ZFAND3: variants seen among roughly 807,000 people sequenced by gnomAD.
ZFAND3 encodes the protein AN1-type zinc finger protein 3.
ZFAND3 carries 10 observed loss-of-function variants against 29.6 expected under a neutral mutation model. The ratio of observed to expected loss-of-function variants is 0.34; its 90% CI spans 0.21 to 0.57. ZFAND3 has a LOEUF of 0.57. Ranked by LOEUF, ZFAND3 falls within the 20% of genes least tolerant of loss-of-function variation. ZFAND3 has a pLI of 0.86. For synonymous variants in ZFAND3, 128 were observed against 112.6 expected (o/e 1.14, Z -0.87); for missense variants, 230 against 304.5 (o/e 0.76, Z 1.82).
intron 2 of ZFAND3, among the ~76,000 whole-genome samples, chr6:37,938,073 C>T (rs1581777166): frequency 1.3e-5 from 2 of 152,288 alleles, no homozygotes; most frequent in South Asian, 2.1e-4. Context: ...AACTACTCTC[C>T]TTCTTATCCT....
At chr6:37,882,386 C>T (rs908741292) in intron 1 of ZFAND3, among the ~76,000 whole-genome samples, 2 of 152,082 alleles carry the variant, frequency 1.3e-5, no homozygotes, top group African/African-American at 4.8e-5. Flanking sequence ...TTCCTCCTTC[C>T]CTTTGCCCAA....
At chr6:37,870,213 G>A (rs1581722765) in intron 1 of ZFAND3, among the ~76,000 whole-genome samples, 1 of 149,660 alleles carries the variant, frequency 6.7e-6, no homozygotes, top group South Asian at 2.1e-4. Flanking sequence ...TGAGCCCGAT[G>A]TGGGAGGATT....
chr6:38,043,521 T>TCCTTTTCTCCCCTCTCC (rs1201197874), intron 2 of ZFAND3, among the ~76,000 whole-genome samples: 34 of 147,916 alleles, frequency 2.3e-4, no homozygotes, highest in Non-Finnish European at 4.6e-4. Flanking sequence ...CCTCCCTCTC[T>TCCTTTTCTCCCCTCTCC]CCTTTTCTCC....
chr6:37,977,810 T>A (rs1177598412), intron 2 of ZFAND3, among the ~76,000 whole-genome samples: 1 of 142,408 alleles, frequency 7.0e-6, no homozygotes, highest in East Asian at 2.1e-4. Flanking sequence ...GAATGAATGT[T>A]GAATTTTGTA....
chr6:38,141,027 A>G (rs1765943513), intron 5 of ZFAND3, among the ~76,000 whole-genome samples: 1 of 133,730 alleles, frequency 7.5e-6, no homozygotes, highest in African/African-American at 2.8e-5. Context: ...GACAGCAGAC[A>G]TTGTAGGACT....
intron 5 of ZFAND3, 124 bp from the exon 6 acceptor site, chr6:38,152,111 T>G: frequency 1.1e-6 from 1 of 904,962 alleles, no homozygotes. Context: ...CAGGAACCCC[T>G]GCAGTGAGTG....
At chr6:38,138,087 G>A (rs1030859208) in intron 5 of ZFAND3, among the ~76,000 whole-genome samples, 2 of 152,086 alleles carry the variant, frequency 1.3e-5, no homozygotes, top group Admixed American at 1.3e-4. Flanking sequence ...GGAGGTGGGA[G>A]TATCAGTTGA....
chr6:38,042,856 T>TTAGC (rs1763818577), intron 2 of ZFAND3, among the ~76,000 whole-genome samples: 1 of 152,160 alleles, frequency 6.6e-6, no homozygotes, highest in African/African-American at 2.4e-5. Context: ...AAGTCATAGA[T>TTAGC]TAGCGTTCAT....
chr6:38,128,797 A>G (rs140060055), intron 5 of ZFAND3, among the ~76,000 whole-genome samples: 141 of 152,338 alleles, frequency 9.3e-4, no homozygotes, highest in African/African-American at 3.0e-3. Context: ...TTGTGCTACC[A>G]TAAACATCCA....
At chr6:38,018,899 A>G (rs1021402252) in intron 2 of ZFAND3, among the ~76,000 whole-genome samples, 1 of 152,066 alleles carries the variant, frequency 6.6e-6, no homozygotes. Context: ...TTACACTCCC[A>G]CTGGCAGTGT....
intron 2 of ZFAND3, among the ~76,000 whole-genome samples, chr6:38,043,283 C>T (rs1184067764): frequency 6.6e-6 from 1 of 151,040 alleles, no homozygotes; most frequent in African/African-American, 2.4e-5. Flanking sequence ...GCCCAGCCCT[C>T]TATTCTGTTT....
At chr6:37,843,977 G>A (rs1764128268) in intron 1 of ZFAND3, among the ~76,000 whole-genome samples, 1 of 151,968 alleles carries the variant, frequency 6.6e-6, no homozygotes, top group Admixed American at 6.6e-5. Flanking sequence ...GAGTGCAATG[G>A]TGTGATCTTG....
intron 2 of ZFAND3, among the ~76,000 whole-genome samples, chr6:38,044,544 A>G (rs561720960): frequency 2.6e-5 from 4 of 152,318 alleles, no homozygotes; most frequent in African/African-American, 9.6e-5. Flanking sequence ...TGCTGCAGAG[A>G]TGGTAATTTT....
Position 38,146,050 on chromosome 6 carries a change from C to T in ZFAND3, c.530-6185C>T, listed in dbSNP as rs537898023. Among the ~76,000 whole-genome samples the T allele has an allele frequency of 3.1e-3, 470 of 152,336 alleles. 3 individuals are homozygous for T. Among genetic ancestry groups the T allele is most frequent in the African/African-American group, 0.011 (447 of 41,564 alleles). ...GTCAGGGAAGTGATTGCTCTACCCC[C>T]ATCACTGTGCCAAGCCACAGGCTTG... On this transcript the variant is annotated intron_variant, in intron 5 of 5. Transcript: ENST00000287218.
intron 5 of ZFAND3, among the ~76,000 whole-genome samples, chr6:38,117,941 GTT>G (rs1414442559): frequency 1.3e-5 from 2 of 152,326 alleles, no homozygotes; most frequent in Non-Finnish European, 1.5e-5. Context: ...CCAGATACCT[GTT>G]TGTTACACAT....
At chr6:37,906,714 T>TA (rs1005537898) in intron 1 of ZFAND3, among the ~76,000 whole-genome samples, 17 of 151,670 alleles carry the variant, frequency 1.1e-4, no homozygotes, top group East Asian at 3.9e-4. Context: ...TTTTTTTTTT[T>TA]AATTAAATTT....
intron 1 of ZFAND3, among the ~76,000 whole-genome samples, chr6:37,895,578 G>A (rs1765189328): frequency 6.9e-6 from 1 of 145,506 alleles, no homozygotes; most frequent in Non-Finnish European, 1.5e-5. Flanking sequence ...ATATTTATTG[G>A]TTTAATGTCT....
At chr6:38,019,254 G>A (rs1279532299) in intron 2 of ZFAND3, among the ~76,000 whole-genome samples, 1 of 152,032 alleles carries the variant, frequency 6.6e-6, no homozygotes, top group African/African-American at 2.4e-5. Flanking sequence ...CACCACACCC[G>A]GCCTGATAGA....
At chr6:38,127,617 TGAAAATTTGTGTGTAGATAATAGAATC>T (rs1378023781) in intron 5 of ZFAND3, among the ~76,000 whole-genome samples, 65 of 152,200 alleles carry the variant, frequency 4.3e-4, no homozygotes, top group African/African-American at 1.5e-3. Context: ...ATTAAAGGCA[TGAAAATTTGTGTGTAGATAATAGAATC>T]ACGTACCACC....
Sources: gnomAD v4.1 joint callset for allele counts (sites outside exome capture counted in the v4.1 genomes callset) on GRCh38, gnomAD v4.1.1 for gene constraint, MANE v1.5 for transcripts, NCBI Gene and HGNC (gene_info 2026-07-23, HGNC 2026-07-21) for gene names.